TSEN34: variants seen among roughly 807,000 people sequenced by gnomAD.
TSEN34 encodes the protein tRNA splicing endonuclease subunit 34, also known as tRNA-splicing endonuclease subunit Sen34.
In TSEN34, 25 loss-of-function variants were observed where a neutral mutation model predicts 30.2. The observed-to-expected ratio is 0.83, with a 90% confidence interval of 0.60 to 1.16. The LOEUF is 1.16. Among genes scored for constraint, TSEN34 ranks in the 50% most tolerant of loss-of-function variants. The probability of loss-of-function intolerance (pLI) is 0.00; values close to 1 mark genes in which losing one functional copy is unlikely to be tolerated. For synonymous variants in TSEN34, 209 were observed against 177.4 expected (o/e 1.18, Z -1.41); for missense variants, 475 against 411.9 (o/e 1.15, Z -1.33).
chr19:54,190,646 G>C (rs2076636186), upstream of TSEN34: 5 of 1,264,242 alleles, frequency 4.0e-6, no homozygotes, highest in Non-Finnish European at 5.0e-6. Flanking sequence ...AGGAGGCGGG[G>C]CTACGGATTC....
At chr19:54,191,670 G>A (rs756173568) in intron 1 of TSEN34, 51 bp from the exon 2 acceptor site, 1 of 1,611,798 alleles carries the variant, frequency 6.2e-7, no homozygotes, top group South Asian at 1.1e-5. Flanking sequence ...AAGTTTCCTG[G>A]CTTCTGAAGG....
Position 54,193,317 on chromosome 19 carries a change from T to C in TSEN34, c.888T>C (p.Asp296=), listed in dbSNP as rs200300601. The change falls in exon 4 of 4, where the codon GAT becomes GAC. Residue 296 remains aspartate, a synonymous_variant. Coordinates refer to ENST00000396388, the MANE Select transcript of TSEN34 (RefSeq NM_001077446.4). ...KTLLLCSPQP[D]GKVVYTSLQW... is the part of the protein sequence containing the mutation. ...TGCTCCTCTGTTCTCCGCAGCCTGA[T>C]GGTAAGGTGGTCTACACCTCCCTGC... 1.9e-6 allele frequency: 3 copies of C among 1,614,148 alleles called. No homozygotes were observed. The East Asian group carries it at 6.7e-5, about 36-fold the overall frequency.
At chr19:54,193,053 T>G in intron 3 of TSEN34, 122 bp from the exon 4 acceptor site, 1 of 1,241,548 alleles carries the variant, frequency 8.1e-7, no homozygotes, top group Non-Finnish European at 1.1e-6. Flanking sequence ...TCCAAGAGCA[T>G]CTGTTTTAGA....
At chr19:54,191,105 G>C (rs528323237), upstream of TSEN34, 3 of 1,336,582 alleles carry the variant, frequency 2.2e-6, no homozygotes, top group East Asian at 6.3e-5. Context: ...GCGGGACCCT[G>C]GGGGCTTGGC....
intron 3 of TSEN34, 43 bp from the exon 4 acceptor site, chr19:54,193,132 T>A (rs1426560560): frequency 7.4e-6 from 12 of 1,611,682 alleles, no homozygotes; most frequent in Admixed American, 3.3e-5. Context: ...CGTCCAGCCG[T>A]CTGCCATTGG....
chr19:54,190,351 C>T (rs1010727562), upstream of TSEN34: 2 of 1,527,644 alleles, frequency 1.3e-6, no homozygotes, highest in African/African-American at 1.4e-5. Context: ...TCCACCTCGA[C>T]TGCGAATTAC....
rs2076814864 is a variant in TSEN34, at chr19:54,194,272, A to T, written c.*910A>T. 6.6e-6 allele frequency: 1 copy of T among 151,916 alleles called. No individual in the cohort carries two copies. Among genetic ancestry groups the T allele is most frequent in the Non-Finnish European group, 1.5e-5 (1 of 68,028 alleles). The allele number at this position is 151,916 out of a possible 1,614,324, so 9.4% of individuals were successfully genotyped here. On this transcript the variant is annotated 3_prime_UTR_variant, in exon 4 of 4. Transcript: ENST00000396388. ...AGGAAATGAGTATTGTAATTTTAGGAGTTCAGAGCCTGGGGAGAAAGGAAG... is the reference window on the plus strand; with the variant it reads ...AGGAAATGAGTATTGTAATTTTAGGTGTTCAGAGCCTGGGGAGAAAGGAAG...
chr19:54,190,690 T>G (rs372729107), upstream of TSEN34: 681 of 1,232,656 alleles, frequency 5.5e-4, 4 homozygotes, highest in African/African-American at 9.9e-3. Context: ...GTCAAATTGC[T>G]GGCGTTCGAG....
upstream of TSEN34, chr19:54,190,533 A>G (rs1263532208): frequency 2.4e-6 from 3 of 1,268,052 alleles, no homozygotes; most frequent in South Asian, 4.5e-5. Flanking sequence ...TAGGGCGGGA[A>G]CTCCCCAACT....
At chr19:54,190,937 G>C (rs563357518), upstream of TSEN34, 3 of 1,056,886 alleles carry the variant, frequency 2.8e-6, no homozygotes, top group South Asian at 7.2e-5. Flanking sequence ...ACCCGAAGGG[G>C]GACGCCCACT....
chr19:54,191,919 G>A lies in TSEN34; in HGVS notation c.442G>A (p.Asp148Asn), dbSNP rs373921569. Residue 148 changes from aspartate (D) to asparagine (N), a missense_variant, in exon 2 of 4, where the codon GAT becomes AAT. By Grantham distance (23) the Asp-to-Asn change is conservative (BLOSUM62 1). Coordinates refer to ENST00000396388, the MANE Select transcript of TSEN34 (RefSeq NM_001077446.4). ...CGGCTCGAGCCAGGCTGCCAAAGAG[G>A]ATGAGACCAGTGATGGCCAGGCTTC... is the stretch of plus-strand genomic sequence containing the variant. ...EAGSSQAAKEDETSDGQASGE... is the reference protein window; with the variant it reads ...EAGSSQAAKENETSDGQASGE... The A allele has an allele frequency of 1.2e-6, 2 of 1,614,162 alleles. No homozygotes were observed. The highest frequency in any genetic ancestry group is 1.7e-6 in the Non-Finnish European group (2 of 1,180,028).
chr19:54,191,172 CT>C, upstream of TSEN34: 1 of 1,382,104 alleles, frequency 7.2e-7, no homozygotes, highest in Middle Eastern at 2.7e-4. Context: ...GCCGCGAGGC[CT>C]GGTGGGATCG....
upstream of TSEN34, chr19:54,191,109 G>C (rs551672950): frequency 3.0e-6 from 4 of 1,335,184 alleles, no homozygotes. Flanking sequence ...GACCCTGGGG[G>C]CTTGGCGAGG....
chr19:54,192,364 G>A lies in TSEN34; in HGVS notation c.736G>A (p.Val246Ile). 1.2e-6 allele frequency: 2 copies of A among 1,614,130 alleles called. No homozygotes were observed. The highest frequency in any genetic ancestry group is 1.7e-6 in the Non-Finnish European group (2 of 1,180,030). The change falls in exon 3 of 4, where the codon GTC becomes ATC. Residue 246 changes from valine to isoleucine, a missense_variant. Transcript: ENST00000396388. ...AAGKFGGDFL[V>I]YPGDPLRFHA... ...TGGCAAGTTCGGAGGTGACTTCCTG[G>A]TCTATCCTGGTGAGTATGGGTTGGG...
In TSEN34 at chr19:54,193,607, A is replaced by G. The variant is rs4042; in HGVS notation, c.*245A>G. 5.8e-6 allele frequency: 8 copies of G among 1,369,712 alleles called. No individual in the cohort carries two copies. The African/African-American group carries it at 1.0e-4, about 17-fold the overall frequency. 84.8% of individuals were successfully genotyped at this position (1,369,712 alleles called of 1,614,324 possible). ...CGAGAATGGGGCCTGGGTTTGATTCATCTGTTTTCTACAGGGTTTAAGTCT... is the reference window on the plus strand; with the variant it reads ...CGAGAATGGGGCCTGGGTTTGATTCGTCTGTTTTCTACAGGGTTTAAGTCT... On this transcript the variant is annotated 3_prime_UTR_variant, in exon 4 of 4. Coordinates refer to ENST00000396388, the MANE Select transcript of TSEN34 (RefSeq NM_001077446.4).
chr19:54,190,941 G>T, upstream of TSEN34: 1 of 1,054,954 alleles, frequency 9.5e-7, no homozygotes, highest in Non-Finnish European at 1.1e-6. Flanking sequence ...GAAGGGGGAC[G>T]CCCACTTTGC....
At chr19:54,190,605 A>G (rs185142816), upstream of TSEN34, 58 of 1,238,978 alleles carry the variant, frequency 4.7e-5, no homozygotes, top group East Asian at 1.7e-3. Context: ...GGAGCCGATG[A>G]CGCCCGAACG....
chr19:54,190,563 AG>A (rs1401121574), upstream of TSEN34: 4 of 1,235,676 alleles, frequency 3.2e-6, no homozygotes, highest in Non-Finnish European at 4.1e-6. Flanking sequence ...TGGCGCTCGG[AG>A]GGGGCGGGGC....
In TSEN34 at chr19:54,191,478, C is replaced by T; in HGVS notation, c.114C>T (p.Arg38=). 1.3e-6 allele frequency: 2 copies of T among 1,553,102 alleles called. No individual in the cohort carries two copies. Among genetic ancestry groups the T allele is most frequent in the Non-Finnish European group, 1.7e-6 (2 of 1,152,154 alleles). ...GCCGCACGGTAGGCGCCCTGCCCCG[C>T]GGGCCCCGCCAGAACTCGCGCCTGG... ...VGGRTVGALP[R]GPRQNSRLGL... The change falls in exon 1 of 4, where the codon CGC becomes CGT. Residue 38 remains arginine, a synonymous_variant. Coordinates refer to ENST00000396388, the MANE Select transcript of TSEN34 (RefSeq NM_001077446.4).
Sources: gnomAD v4.1 joint callset for allele counts on GRCh38, gnomAD v4.1.1 for gene constraint, MANE v1.5 for transcripts, NCBI Gene and HGNC (gene_info 2026-07-23, HGNC 2026-07-21) for gene names.